The following FAM228A variants were observed in gnomAD, a reference collection of about 807,000 sequenced individuals.
The protein encoded by FAM228A is family with sequence similarity 228 member A, also known as protein FAM228A.
In FAM228A, 13 loss-of-function variants were observed where a neutral mutation model predicts 18.6. That is an observed-to-expected ratio of 0.70 (90% CI 0.45 to 1.11). The LOEUF (loss-of-function observed/expected upper bound fraction) is 1.11, where lower values mean the gene tolerates loss of function less well. Among genes scored for constraint, FAM228A ranks in the 50% least tolerant of loss-of-function variants. FAM228A has a pLI of 0.00. For synonymous variants in FAM228A, 77 were observed against 86.6 expected (o/e 0.89, Z 0.61); for missense variants, 240 against 242.2 (o/e 0.99, Z 0.06).
intron 5 of FAM228A, among the ~76,000 whole-genome samples, chr2:24,186,340 T>A (rs1667949713): frequency 6.6e-6 from 1 of 152,198 alleles, no homozygotes. Context: ...TATTTCTTGT[T>A]TTCCATTCCT....
At chr2:24,183,744 G>A (rs1667872379) in intron 5 of FAM228A, 99 bp downstream of exon 5, 2 of 976,006 alleles carry the variant, frequency 2.0e-6, no homozygotes, top group Non-Finnish European at 3.0e-6. Context: ...TCTTTTAGTA[G>A]TTTATAGTTT....
intron 3 of FAM228A, among the ~76,000 whole-genome samples, chr2:24,180,562 T>A (rs546762757): frequency 6.6e-6 from 1 of 152,344 alleles, no homozygotes; most frequent in South Asian, 2.1e-4. Flanking sequence ...CAAGATTGAA[T>A]CCAGATCTCC....
intron 5 of FAM228A, among the ~76,000 whole-genome samples, chr2:24,184,649 C>T (rs9309246): frequency 3.3e-5 from 5 of 152,060 alleles, no homozygotes; most frequent in South Asian, 2.1e-4. Context: ...TTGGTATTTT[C>T]GTTTCCACAA....
rs1668056452 is a variant in FAM228A at position 24,190,476 on chromosome 2, A to C, written c.466A>C (p.Ser156Arg). The C allele has an allele frequency of 1.2e-6, 2 of 1,614,074 alleles. No homozygotes were observed. The highest frequency in any genetic ancestry group is 1.7e-6 in the Non-Finnish European group (2 of 1,180,046). The part of the protein sequence containing the change: ...KRKEKKTADL[S>R]QAAFERQFLS... Reference sequence around the variant, plus strand: ...AAAAGAGAAAAAGACGGCCGACCTAAGTCAGGCTGCGTTTGAAAGGCAGTT... The same window carrying C: ...AAAAGAGAAAAAGACGGCCGACCTACGTCAGGCTGCGTTTGAAAGGCAGTT... Residue 156 changes from serine to arginine, a missense_variant, in exon 6 of 6, where the codon AGT becomes CGT. Coordinates refer to ENST00000295150, the MANE Select transcript of FAM228A (RefSeq NM_001040710.3).
At chr2:24,177,933 A>G in intron 3 of FAM228A, 63 bp downstream of exon 3, 1 of 1,026,404 alleles carries the variant, frequency 9.7e-7, no homozygotes, top group Non-Finnish European at 1.5e-6. Context: ...GTGCAGAACA[A>G]CATGGCCAAG....
chr2:24,186,700 A>G (rs1169262725), intron 5 of FAM228A, among the ~76,000 whole-genome samples: 2 of 152,008 alleles, frequency 1.3e-5, no homozygotes, highest in African/African-American at 4.8e-5. Flanking sequence ...GTGCAATGGC[A>G]TGATCTTGGC....
rs372054514 is a variant in FAM228A at position 24,175,458 on chromosome 2, A to T, written c.-14-9A>T. On this transcript the variant is annotated splice_polypyrimidine_tract_variant and intron_variant, in intron 1 of 5. Transcript: ENST00000295150. Reference sequence around the variant, plus strand: ...TTCCTCAGCCTCAGTTTACCTTTTCATCCCTCAGGGATTCTCCTGTCCATG... The same window carrying T: ...TTCCTCAGCCTCAGTTTACCTTTTCTTCCCTCAGGGATTCTCCTGTCCATG... 1 of 1,598,548 alleles carries T rather than the reference A, an allele frequency of 6.3e-7. No homozygotes were observed. The highest frequency in any genetic ancestry group is 8.6e-7 in the Non-Finnish European group (1 of 1,165,804).
Position 24,190,671 on chromosome 2 carries a change from G to A in FAM228A, c.*40G>A. 1.3e-6 allele frequency: 2 copies of A among 1,504,958 alleles called. No homozygotes were observed. The highest frequency in any genetic ancestry group is 2.5e-4 in the Middle Eastern group (1 of 4,062). 93.2% of individuals were successfully genotyped at this position (1,504,958 alleles called of 1,614,324 possible). On this transcript the variant is annotated 3_prime_UTR_variant, in exon 6 of 6. Transcript: ENST00000295150. ...CCTCCCTGTCAGACAGGCACCCAAG[G>A]GCGGAGGAGGCATGGCCCAAGAAGA...
At position 24,184,320 on chromosome 2, in the gene FAM228A, C is replaced by T. The variant is rs190819212; in HGVS notation, c.401+675C>T. Among the ~76,000 whole-genome samples, 938 of 149,874 alleles carry T rather than the reference C, an allele frequency of 6.3e-3. 4 individuals are homozygous for T. Among genetic ancestry groups the T allele is most frequent in the African/African-American group, 0.022 (903 of 40,562 alleles). ...GCTTGAACTCGGGAAGCAGAAGTTG[C>T]AGTGAGTCGAGATCATGCCACTGCA... On this transcript the variant is annotated intron_variant, in intron 5 of 5. Coordinates refer to ENST00000295150, the MANE Select transcript of FAM228A (RefSeq NM_001040710.3).
chr2:24,177,922 T>C (rs760324857), intron 3 of FAM228A, 52 bp downstream of exon 3: 1 of 1,179,958 alleles, frequency 8.5e-7, no homozygotes, highest in African/African-American at 1.5e-5. Flanking sequence ...GGAGCAAGAG[T>C]GTGCAGAACA....
chr2:24,177,343 G>A (rs1163196719), intron 2 of FAM228A, among the ~76,000 whole-genome samples: 1 of 152,164 alleles, frequency 6.6e-6, no homozygotes, highest in Non-Finnish European at 1.5e-5. Flanking sequence ...GGGAGGCTGA[G>A]GCAGGAGAAT....
At chr2:24,189,161 C>T (rs561291061) in intron 5 of FAM228A, among the ~76,000 whole-genome samples, 15 of 152,230 alleles carry the variant, frequency 9.9e-5, no homozygotes, top group African/African-American at 2.4e-4. Context: ...ATCCATTTTT[C>T]GCCCAGCAGC....
intron 5 of FAM228A, among the ~76,000 whole-genome samples, chr2:24,190,208 C>G (rs1668046637): frequency 6.6e-6 from 1 of 152,036 alleles, no homozygotes; most frequent in Admixed American, 6.6e-5. Flanking sequence ...GGGAAGGGTC[C>G]CCAAGTCACC....
intron 3 of FAM228A, among the ~76,000 whole-genome samples, 153 bp downstream of exon 3, chr2:24,178,023 C>T (rs1301262499): frequency 6.6e-6 from 1 of 152,180 alleles, no homozygotes. Flanking sequence ...GTACTACATG[C>T]ATCTGAGGCC....
In FAM228A at chr2:24,190,572, C is replaced by T. The variant is rs187890427; in HGVS notation, c.562C>T (p.Arg188Trp). 1.7e-4 allele frequency: 271 copies of T among 1,611,176 alleles called. 1 individual carries two copies. The East Asian group carries it at 5.7e-3, about 34-fold the overall frequency. The change falls in exon 6 of 6, where the codon CGG becomes TGG. Residue 188 changes from arginine to tryptophan, a missense_variant. By Grantham distance (101) the Arg-to-Trp change is moderately radical. Coordinates refer to ENST00000295150, the MANE Select transcript of FAM228A (RefSeq NM_001040710.3). ...RKGLVSRGLG[R>W]GWHAGLCSTH... Reference sequence around the variant, plus strand: ...GGGTCTGGTGAGCAGAGGCCTGGGGCGGGGCTGGCATGCAGGGCTTTGCAG... The same window carrying T: ...GGGTCTGGTGAGCAGAGGCCTGGGGTGGGGCTGGCATGCAGGGCTTTGCAG...
chr2:24,189,298 C>A (rs986356548), intron 5 of FAM228A, among the ~76,000 whole-genome samples: 1 of 152,178 alleles, frequency 6.6e-6, no homozygotes, highest in South Asian at 2.1e-4. Flanking sequence ...CCACCCTTTC[C>A]GGCCTCATCA....
Position 24,191,556 on chromosome 2 carries a change from T to C in FAM228A, c.*925T>C, listed in dbSNP as rs144432494. 9.5e-4 allele frequency: 881 copies of C among 924,214 alleles called. 6 individuals are homozygous for C. In the African/African-American group the frequency reaches 0.015, roughly 16 times the overall value. 57.3% of individuals were successfully genotyped at this position (924,214 alleles called of 1,614,324 possible). A position where few individuals can be genotyped will look rare whatever the true frequency, so the allele number is the denominator to read the frequency against. On this transcript the variant is annotated 3_prime_UTR_variant, in exon 6 of 6. Coordinates refer to ENST00000295150, the MANE Select transcript of FAM228A (RefSeq NM_001040710.3). ...AGATGTACAACGTGATGATTTGCTATAGGTATTCATTGTGAAATGTTTGCC... is the reference window on the plus strand; with the variant it reads ...AGATGTACAACGTGATGATTTGCTACAGGTATTCATTGTGAAATGTTTGCC...
intron 2 of FAM228A, chr2:24,176,264 A>G (rs901807461): frequency 3.3e-6 from 3 of 903,628 alleles, no homozygotes; most frequent in African/African-American, 3.6e-5. Context: ...TTCTCCAAAT[A>G]AATAAATAGA....
In FAM228A at chr2:24,191,329, G is replaced by C; in HGVS notation, c.*698G>C. ...CACACACACAGGATGGGGGACTGCT[G>C]CTGCTTTCCAGCCTGTGAGCCTGGA... is the stretch of plus-strand genomic sequence containing the variant. On this transcript the variant is annotated 3_prime_UTR_variant, in exon 6 of 6. Coordinates refer to ENST00000295150, the MANE Select transcript of FAM228A (RefSeq NM_001040710.3). 1.0e-6 allele frequency: 1 copy of C among 985,684 alleles called. No individual in the cohort carries two copies. The highest frequency in any genetic ancestry group is 1.2e-6 in the Non-Finnish European group (1 of 830,132). 61.1% of individuals were successfully genotyped at this position (985,684 alleles called of 1,614,324 possible).
Sources: gnomAD v4.1 joint callset for allele counts (sites outside exome capture counted in the v4.1 genomes callset) on GRCh38, gnomAD v4.1.1 for gene constraint, MANE v1.5 for transcripts, NCBI Gene and HGNC (gene_info 2026-07-23, HGNC 2026-07-21) for gene names.